XIRP2: variants seen among roughly 807,000 people sequenced by gnomAD.
XIRP2 encodes xin actin binding repeat containing 2.
In XIRP2, 236 loss-of-function variants were observed where a neutral mutation model predicts 277.0. The observed-to-expected ratio is 0.85, with a 90% CI of 0.77 to 0.95. The LOEUF is 0.95. Ranked by LOEUF, XIRP2 falls within the 40% of genes least tolerant of loss-of-function variation. The pLI is 0.00. For synonymous variants in XIRP2, 1,490 were observed against 1,416.5 expected (o/e 1.05, Z -1.17); for missense variants, 4,640 against 4,157.5 (o/e 1.12, Z -3.19).
intron 5 of XIRP2, among the ~76,000 whole-genome samples, chr2:167,221,187 T>C (rs770149776): frequency 2.0e-5 from 3 of 151,980 alleles, no homozygotes; most frequent in African/African-American, 7.2e-5. Flanking sequence ...AAAAAGTCAT[T>C]TGTGGCCAGG....
intron 3 of XIRP2, among the ~76,000 whole-genome samples, chr2:167,186,152 G>A (rs761193276): frequency 1.3e-5 from 2 of 152,072 alleles, no homozygotes; most frequent in Non-Finnish European, 2.9e-5. Context: ...ATGTCTACAT[G>A]TGCTTAATAG....
chr2:167,002,167 C>T (rs867130168), intron 2 of XIRP2, among the ~76,000 whole-genome samples: 12 of 152,108 alleles, frequency 7.9e-5, no homozygotes, highest in Non-Finnish European at 1.2e-4. Context: ...TATAACTATA[C>T]AACAATATCA....
At chr2:166,961,475 T>TA (rs1356502847) in intron 2 of XIRP2, among the ~76,000 whole-genome samples, 1 of 151,844 alleles carries the variant, frequency 6.6e-6, no homozygotes, top group Non-Finnish European at 1.5e-5. Flanking sequence ...GACAGCTGAA[T>TA]TAGCCTTCAA....
chr2:167,090,070 G>A (rs909187481), intron 2 of XIRP2, among the ~76,000 whole-genome samples: 20 of 152,030 alleles, frequency 1.3e-4, no homozygotes, highest in Admixed American at 1.2e-3. Flanking sequence ...TCAGTGAAGA[G>A]GGAAAATTAT....
intron 2 of XIRP2, among the ~76,000 whole-genome samples, chr2:166,967,408 C>T (rs1213244797): frequency 2.6e-5 from 4 of 151,846 alleles, no homozygotes; most frequent in Non-Finnish European, 5.9e-5. Flanking sequence ...CATGGAAGCT[C>T]GCAAGGCACA....
intron 2 of XIRP2, among the ~76,000 whole-genome samples, chr2:167,051,707 A>C (rs1445640899): frequency 6.6e-6 from 1 of 152,232 alleles, no homozygotes; most frequent in East Asian, 1.9e-4. Flanking sequence ...TTTTGGTCTA[A>C]GTATCTTATA....
rs1695390270 is a variant in XIRP2, at chr2:167,249,282, C to T, written c.7890C>T (p.Ser2630=). 2 of 1,613,790 alleles carry T rather than the reference C, an allele frequency of 1.2e-6. No homozygotes were observed. The highest frequency in any genetic ancestry group is 1.7e-6 in the Non-Finnish European group (2 of 1,179,780). The stretch of plus-strand genomic sequence containing the variant: ...GAGTGTGTTCTGATAACCAACTCTC[C>T]ACAACATCGCCAGAAACAGTCGCTG... ...ILGVCSDNQL[S]TTSPETVAAK... The change falls in exon 9 of 11, where the codon TCC becomes TCT. Residue 2630 remains serine (S), a synonymous_variant. Coordinates refer to ENST00000409195, the MANE Select transcript of XIRP2 (RefSeq NM_152381.6).
At chr2:167,174,787 T>A (rs549147823) in intron 3 of XIRP2, among the ~76,000 whole-genome samples, 16 of 152,216 alleles carry the variant, frequency 1.1e-4, no homozygotes, top group Non-Finnish European at 1.3e-4. Context: ...TATTGAGTCT[T>A]TGTTCTCACT....
intron 2 of XIRP2, among the ~76,000 whole-genome samples, chr2:167,038,640 T>C (rs1472358336): frequency 6.6e-6 from 1 of 151,754 alleles, no homozygotes; most frequent in African/African-American, 2.4e-5. Flanking sequence ...AAACCTAAAA[T>C]AATAAATATA....
chr2:166,971,132 A>G, intron 2 of XIRP2, among the ~76,000 whole-genome samples: 1 of 152,030 alleles, frequency 6.6e-6, no homozygotes, highest in Middle Eastern at 3.2e-3. Flanking sequence ...AGTAAAACTC[A>G]TCTCTTAGCA....
At position 167,247,491 on chromosome 2, in the gene XIRP2, A is replaced by T; in HGVS notation, c.6099A>T (p.Glu2033Asp). ...CTGTAAAGATTGTCATAGATCGTGA[A>T]CAAAACAATGATGCTCTGGAGAAAA... ...KGTVKIVIDR[E>D]QNNDALEKSL... Residue 2033 changes from glutamate (E) to aspartate (D), a missense_variant, in exon 9 of 11, where the codon GAA (glutamate) becomes GAT (aspartate). By Grantham distance (45) the Glu-to-Asp change is conservative. Coordinates refer to ENST00000409195, the MANE Select transcript of XIRP2 (RefSeq NM_152381.6). 2 of 1,613,784 alleles carry T rather than the reference A, an allele frequency of 1.2e-6. No individual in the cohort carries two copies. Among genetic ancestry groups the T allele is most frequent in the Non-Finnish European group, 1.7e-6 (2 of 1,179,790 alleles).
At chr2:167,088,690 C>T (rs1008760308) in intron 2 of XIRP2, among the ~76,000 whole-genome samples, 2 of 152,180 alleles carry the variant, frequency 1.3e-5, no homozygotes, top group Non-Finnish European at 2.9e-5. Context: ...GCATACTGGC[C>T]TTCCTCAATT....
intron 3 of XIRP2, among the ~76,000 whole-genome samples, chr2:167,208,529 G>C (rs975901031): frequency 1.3e-5 from 2 of 151,988 alleles, no homozygotes; most frequent in African/African-American, 4.8e-5. Flanking sequence ...AGGATGGTCT[G>C]GATCTCCTGA....
chr2:167,094,670 G>T (rs1558978126), intron 2 of XIRP2, among the ~76,000 whole-genome samples: 1 of 152,022 alleles, frequency 6.6e-6, no homozygotes, highest in Non-Finnish European at 1.5e-5. Flanking sequence ...TGTTCCATTG[G>T]TCTACATATC....
At chr2:167,038,629 T>C (rs1688579150) in intron 2 of XIRP2, among the ~76,000 whole-genome samples, 1 of 151,776 alleles carries the variant, frequency 6.6e-6, no homozygotes, top group Non-Finnish European at 1.5e-5. Context: ...ATACAAATAG[T>C]AAACCTAAAA....
chr2:167,032,344 C>A (rs910659260), intron 2 of XIRP2, among the ~76,000 whole-genome samples: 1 of 152,068 alleles, frequency 6.6e-6, no homozygotes, highest in Non-Finnish European at 1.5e-5. Context: ...ACCATAAAAA[C>A]CCTAGAAGAA....
chr2:167,087,763 G>T (rs576195697), intron 2 of XIRP2, among the ~76,000 whole-genome samples: 1 of 151,512 alleles, frequency 6.6e-6, no homozygotes, highest in Non-Finnish European at 1.5e-5. Flanking sequence ...GACCCCTTGC[G>T]CTTCCCAAGT....
chr2:167,116,136 TATTA>T (rs1218910692), intron 2 of XIRP2, among the ~76,000 whole-genome samples: 10 of 152,198 alleles, frequency 6.6e-5, no homozygotes, highest in Non-Finnish European at 1.0e-4. Context: ...GTTCTGTAAA[TATTA>T]ATTAAGTGCT....
In XIRP2 at chr2:167,251,137, A is replaced by G. The variant is rs1454669507; in HGVS notation, c.9745A>G (p.Ser3249Gly). Reference protein sequence around the residue: ...TIPVNINHAASGSFRESVDAQ... With the variant: ...TIPVNINHAAGGSFRESVDAQ... ...ACCAGTAAATATAAATCATGCTGCT[A>G]GTGGTTCCTTCAGAGAATCTGTGGA... Residue 3249 changes from serine to glycine, a missense_variant, in exon 9 of 11, where the codon AGT becomes GGT. Transcript: ENST00000409195. 6.2e-7 allele frequency: 1 copy of G among 1,613,396 alleles called. No homozygotes were observed. The highest frequency in any genetic ancestry group is 1.3e-5 in the African/African-American group (1 of 74,890).
Sources: allele counts gnomAD v4.1 joint callset (sites outside exome capture counted in the v4.1 genomes callset), GRCh38; gene constraint gnomAD v4.1.1; transcripts MANE v1.5; gene names NCBI Gene and HGNC (gene_info 2026-07-23, HGNC 2026-07-21).